PREX1: variants seen among roughly 807,000 people sequenced by gnomAD.
PREX1 encodes phosphatidylinositol-3,4,5-trisphosphate dependent Rac exchange factor 1.
In PREX1, 41 loss-of-function variants were observed where a neutral mutation model predicts 198.3. That is an observed-to-expected ratio of 0.21 (90% CI 0.16 to 0.27). The LOEUF (loss-of-function observed/expected upper bound fraction) is 0.27. Ranked by LOEUF, PREX1 falls within the 10% of genes least tolerant of loss-of-function variation. The pLI is 1.00. For synonymous variants in PREX1, 843 were observed against 887.2 expected, an observed-to-expected ratio of 0.95 and a Z score of 0.89; for missense variants, 1,620 against 2,200.7, an observed-to-expected ratio of 0.74 and a Z score of 5.28.
intron 1 of PREX1, among the ~76,000 whole-genome samples, chr20:48,786,701 T>C (rs533447470): frequency 1.8e-3 from 252 of 143,970 alleles, no homozygotes; most frequent in Middle Eastern, 3.8e-3. Context: ...GCCAAGATCA[T>C]GCCACTGCAC....
At chr20:48,741,674 T>C (rs913531034) in intron 3 of PREX1, among the ~76,000 whole-genome samples, 4 of 152,022 alleles carry the variant, frequency 2.6e-5, no homozygotes, top group Admixed American at 6.5e-5. Flanking sequence ...GACTGTTCTG[T>C]TGAGAATGAC....
At chr20:48,735,613 A>G (rs2090053985) in intron 3 of PREX1, among the ~76,000 whole-genome samples, 1 of 150,782 alleles carries the variant, frequency 6.6e-6, no homozygotes, top group Admixed American at 6.6e-5. Flanking sequence ...CAGGCTGCCC[A>G]GCATGTAGTA....
intron 7 of PREX1, among the ~76,000 whole-genome samples, chr20:48,694,941 G>C (rs1383698160): frequency 1.3e-5 from 2 of 151,922 alleles, no homozygotes; most frequent in Non-Finnish European, 2.9e-5. Flanking sequence ...AAGGATGAGG[G>C]TGTGTATGTG....
At chr20:48,676,440 C>T (rs1446307928) in intron 13 of PREX1, among the ~76,000 whole-genome samples, 172 bp from the exon 14 acceptor site, 3 of 152,158 alleles carry the variant, frequency 2.0e-5, no homozygotes, top group Non-Finnish European at 4.4e-5. Context: ...TGCAGTGTGA[C>T]CGAGGGCAGG....
chr20:48,737,411 T>C (rs1041145328), intron 3 of PREX1, among the ~76,000 whole-genome samples: 13 of 152,024 alleles, frequency 8.6e-5, no homozygotes, highest in African/African-American at 3.1e-4. Flanking sequence ...GACTGTCAGC[T>C]CCATCGGGAC....
chr20:48,711,066 G>A (rs1344981121), intron 5 of PREX1, among the ~76,000 whole-genome samples: 1 of 152,262 alleles, frequency 6.6e-6, no homozygotes, highest in Non-Finnish European at 1.5e-5. Flanking sequence ...CTGCTGACAG[G>A]AGGATGCACG....
At chr20:48,768,886 C>T (rs1309696319) in intron 1 of PREX1, among the ~76,000 whole-genome samples, 1 of 151,788 alleles carries the variant, frequency 6.6e-6, no homozygotes, top group East Asian at 1.9e-4. Context: ...GTGATGCATA[C>T]GTAATCACCA....
At chr20:48,808,648 A>C (rs2090422252) in intron 1 of PREX1, among the ~76,000 whole-genome samples, 1 of 152,136 alleles carries the variant, frequency 6.6e-6, no homozygotes, top group Non-Finnish European at 1.5e-5. Context: ...TCACTCAGCG[A>C]CACCACCTCA....
Position 48,717,886 on chromosome 20 carries a change from A to G in PREX1, c.621+8404T>C, listed in dbSNP as rs538146114. Among the ~76,000 whole-genome samples, 21 of 152,252 alleles carry G rather than the reference A, an allele frequency of 1.4e-4. No homozygotes were observed. The South Asian group carries it at 4.4e-3, about 32-fold the overall frequency. ...CAAGTTGCCTCCCCTTTCTGTGCCT[A>G]TGCCTCTTGGGTATGCAAGGTAGTG... On this transcript the variant is annotated intron_variant, in intron 5 of 39. Coordinates refer to ENST00000371941, the MANE Select transcript of PREX1 (RefSeq NM_020820.4).
At chr20:48,832,040 T>C (rs146534938), upstream of PREX1, among the ~76,000 whole-genome samples, 3 of 151,624 alleles carry the variant, frequency 2.0e-5, no homozygotes, top group African/African-American at 7.3e-5. Context: ...ATCTGTCTCA[T>C]GTGTATGTCA....
chr20:48,718,000 C>T (rs1245377392), intron 5 of PREX1, among the ~76,000 whole-genome samples: 1 of 152,228 alleles, frequency 6.6e-6, no homozygotes, highest in African/African-American at 2.4e-5. Context: ...CTTACAGTAA[C>T]AGTTGGCTGG....
At chr20:48,801,473 C>T (rs1314024217) in intron 1 of PREX1, among the ~76,000 whole-genome samples, 1 of 152,188 alleles carries the variant, frequency 6.6e-6, no homozygotes, top group South Asian at 2.1e-4. Context: ...AACCATCCTG[C>T]GACAGAGTCC....
intron 1 of PREX1, among the ~76,000 whole-genome samples, chr20:48,767,888 G>A (rs772037303): frequency 6.6e-5 from 10 of 152,166 alleles, no homozygotes; most frequent in East Asian, 1.9e-4. Flanking sequence ...GCCACAAGTC[G>A]CCCCCGAGCC....
intron 3 of PREX1, among the ~76,000 whole-genome samples, chr20:48,742,092 G>A (rs1333325745): frequency 2.0e-5 from 3 of 152,142 alleles, no homozygotes; most frequent in Non-Finnish European, 1.5e-5. Flanking sequence ...CAAAGCCTCC[G>A]ACATTCATCC....
At chr20:48,707,185 A>AC (rs1303679145) in intron 6 of PREX1, among the ~76,000 whole-genome samples, 2 of 152,200 alleles carry the variant, frequency 1.3e-5, no homozygotes, top group African/African-American at 4.8e-5. Context: ...CAAAAATAGC[A>AC]CAAGGGGTGG....
the PREX1 span, among the ~76,000 whole-genome samples, chr20:48,872,116 G>C: frequency 6.7e-6 from 1 of 149,162 alleles, no homozygotes; most frequent in Non-Finnish European, 1.5e-5. Flanking sequence ...CCGAGATCAT[G>C]CCACTGCACT....
chr20:48,756,649 G>C (rs1256125286), intron 1 of PREX1, among the ~76,000 whole-genome samples: 1 of 152,078 alleles, frequency 6.6e-6, no homozygotes, highest in African/African-American at 2.4e-5. Flanking sequence ...CTACAACTGA[G>C]GCCTCCTGGG....
At chr20:48,657,361 T>C (rs116831379) in intron 17 of PREX1, among the ~76,000 whole-genome samples, 173 bp from the exon 18 acceptor site, 2,689 of 152,292 alleles carry the variant, frequency 0.018, 83 homozygotes, top group African/African-American at 0.06. Flanking sequence ...GGGACCTGGT[T>C]CTGCCTCATG....
chr20:48,639,724 T>C, intron 30 of PREX1, 42 bp downstream of exon 30: 3 of 1,605,974 alleles, frequency 1.9e-6, no homozygotes, highest in East Asian at 2.2e-5. Flanking sequence ...CCAAAAGCCA[T>C]GGCCCCCTCC....
Sources: gnomAD v4.1 joint callset for allele counts (sites outside exome capture counted in the v4.1 genomes callset) on GRCh38, gnomAD v4.1.1 for gene constraint, MANE v1.5 for transcripts, NCBI Gene and HGNC (gene_info 2026-07-23, HGNC 2026-07-21) for gene names.